Variants in SORBS3 observed in about 807,000 individuals in gnomAD.
SORBS3 encodes sorbin and SH3 domain containing 3, also known as vinexin.
A neutral mutation model predicts 98.0 loss-of-function variants in SORBS3; 69 were observed. The observed-to-expected ratio is 0.70, with a 90% confidence interval of 0.58 to 0.86. The LOEUF (loss-of-function observed/expected upper bound fraction) is 0.86, where lower values mean the gene tolerates loss of function less well. Among genes scored for constraint, SORBS3 ranks in the 40% least tolerant of loss-of-function variants. The pLI is 0.00. For missense variants in SORBS3, 954 were observed against 908.5 expected, an observed-to-expected ratio of 1.05 and a Z score of -0.64; for synonymous variants, 394 against 355.4, an observed-to-expected ratio of 1.11 and a Z score of -1.22.
chr8:22,560,536 A>C (rs1840270823), intron 5 of SORBS3, among the ~76,000 whole-genome samples: 1 of 152,208 alleles, frequency 6.6e-6, no homozygotes, highest in African/African-American at 2.4e-5. Flanking sequence ...AAATGTGACC[A>C]GTGGTGACAA....
intron 10 of SORBS3, 75 bp from the exon 11 acceptor site, chr8:22,565,193 C>T: frequency 6.7e-7 from 1 of 1,493,274 alleles, no homozygotes; most frequent in Non-Finnish European, 9.1e-7. Flanking sequence ...TTGCTTTTCA[C>T]AGTCGATCTT....
intron 19 of SORBS3, 110 bp downstream of exon 19, chr8:22,571,931 A>C (rs1207191795): frequency 2.5e-6 from 2 of 787,034 alleles, no homozygotes; most frequent in Non-Finnish European, 4.4e-6. Flanking sequence ...GGAAACTTCT[A>C]CCAGGTAGCC....
In SORBS3 at chr8:22,563,942, G is replaced by A. The variant is rs745967054; in HGVS notation, c.585-45G>A. On this transcript the variant is annotated intron_variant, in intron 7 of 20. Transcript: ENST00000240123. Reference sequence around the variant, plus strand: ...GGGCTGTGTGCTGGCTTCTGCCTCAGTCTCCCTAAAAGGAAGCTGAAGAGA... The same window carrying A: ...GGGCTGTGTGCTGGCTTCTGCCTCAATCTCCCTAAAAGGAAGCTGAAGAGA... 4.0e-6 allele frequency: 6 copies of A among 1,483,228 alleles called. No individual in the cohort carries two copies. The South Asian group carries it at 6.8e-5, about 17-fold the overall frequency. 91.9% of individuals were successfully genotyped at this position (1,483,228 alleles called of 1,614,324 possible).
chr8:22,553,486 A>G (rs1406792961), intron 1 of SORBS3, among the ~76,000 whole-genome samples: 2 of 152,088 alleles, frequency 1.3e-5, no homozygotes, highest in Non-Finnish European at 2.9e-5. Context: ...CCAAACTGGG[A>G]GCCCCTTTTT....
Position 22,561,332 on chromosome 8 carries a change from C to T in SORBS3, c.479-3C>T. The T allele has an allele frequency of 6.3e-7, 1 of 1,598,576 alleles. No homozygotes were observed. The highest frequency in any genetic ancestry group is 8.5e-7 in the Non-Finnish European group (1 of 1,170,870). ...CATGACCTGGTCCCTTCTGCTCCTGCAGACTTGCAGCTGGACTGGACCTTC... is the reference window on the plus strand; with the variant it reads ...CATGACCTGGTCCCTTCTGCTCCTGTAGACTTGCAGCTGGACTGGACCTTC... On this transcript the variant is annotated splice_region_variant and splice_polypyrimidine_tract_variant and intron_variant, in intron 5 of 20. Transcript: ENST00000240123.
At chr8:22,553,655 T>C (rs1410006351) in intron 1 of SORBS3, among the ~76,000 whole-genome samples, 1 of 152,136 alleles carries the variant, frequency 6.6e-6, no homozygotes, top group Admixed American at 6.5e-5. Context: ...CAAAACAGCC[T>C]GGAGGGGCGG....
Position 22,575,489 on chromosome 8 carries a change from C to G in SORBS3, c.*761C>G, listed in dbSNP as rs554204827. On this transcript the variant is annotated 3_prime_UTR_variant, in exon 21 of 21. Coordinates refer to ENST00000240123, the MANE Select transcript of SORBS3 (RefSeq NM_005775.5). ...AGAGAATGTAAAATAAACCTGGACA[C>G]AAGGGACCTTGTCTCTGCGGCCTTT... 25 of 155,472 alleles carry G rather than the reference C, an allele frequency of 1.6e-4. No homozygotes were observed. The South Asian group carries it at 2.2e-3, about 14-fold the overall frequency. 9.6% of individuals were successfully genotyped at this position (155,472 alleles called of 1,614,324 possible).
Position 22,554,315 on chromosome 8 carries a change from G to GGGTCCTTGAGCTAGTACCCAGCT in SORBS3, c.-55-130_-55-108dup. The stretch of plus-strand genomic sequence containing the variant: ...GGGTGCCTGGCGTGGCCTGTTTCCT[G>GGGTCCTTGAGCTAGTACCCAGCT]GGTCCTTGAGCTAGTACCCAGCTGG... On this transcript the variant is annotated intron_variant, in intron 1 of 20. Coordinates refer to ENST00000240123, the MANE Select transcript of SORBS3 (RefSeq NM_005775.5). This position sits in a 1 kb window ranked among gnomAD's most constrained non-coding sequence, Gnocchi z 6.5. 1 of 891,306 alleles carries GGGTCCTTGAGCTAGTACCCAGCT rather than the reference G, an allele frequency of 1.1e-6. No homozygotes were observed. 55.2% of individuals were successfully genotyped at this position (891,306 alleles called of 1,614,324 possible).
chr8:22,561,809 A>T (rs1840301102), intron 6 of SORBS3, 56 bp from the exon 7 acceptor site: 2 of 1,476,918 alleles, frequency 1.4e-6, no homozygotes, highest in Non-Finnish European at 1.9e-6. Flanking sequence ...CCTCAGCCCC[A>T]GTCACGGCCT....
At chr8:22,565,606 C>A in intron 11 of SORBS3, 2 of 835,736 alleles carry the variant, frequency 2.4e-6, no homozygotes, top group Non-Finnish European at 3.2e-6. Flanking sequence ...GACGACCGGG[C>A]GCCCGCCCCG....
At position 22,574,736 on chromosome 8, in the gene SORBS3, C is replaced by T; in HGVS notation, c.*8C>T. On this transcript the variant is annotated 3_prime_UTR_variant, in exon 21 of 21. Transcript: ENST00000240123. The stretch of plus-strand genomic sequence containing the variant: ...TACGTTGCCCCGGTGTGAGTGGTCT[C>T]CATGGCAACTTGGAGCCAGCCAGGA... 1 of 1,610,926 alleles carries T rather than the reference C, an allele frequency of 6.2e-7. No individual in the cohort carries two copies. Among genetic ancestry groups the T allele is most frequent in the Non-Finnish European group, 8.5e-7 (1 of 1,177,612 alleles).
At chr8:22,558,018 G>A (rs193020252) in intron 4 of SORBS3, 111 bp from the exon 5 acceptor site, 7 of 959,440 alleles carry the variant, frequency 7.3e-6, no homozygotes, top group Non-Finnish European at 1.2e-5. Flanking sequence ...GCCCACCTAT[G>A]GGGGGTTCAG....
intron 16 of SORBS3, among the ~76,000 whole-genome samples, chr8:22,568,671 G>A (rs759916494): frequency 6.6e-6 from 1 of 152,096 alleles, no homozygotes; most frequent in African/African-American, 2.4e-5. Flanking sequence ...GTGAAGCAAA[G>A]AGAACGTGAG....
chr8:22,569,346 G>C (rs13258049), intron 17 of SORBS3, 73 bp downstream of exon 17: 453,390 of 1,087,870 alleles, frequency 0.42, 62,063 homozygotes, highest in Admixed American at 0.49. Context: ...ACTAAAAACA[G>C]TTTTTTTTTT....
Position 22,561,944 on chromosome 8 carries a change from G to C in SORBS3, c.584+13G>C. On this transcript the variant is annotated intron_variant, in intron 7 of 20. Coordinates refer to ENST00000240123, the MANE Select transcript of SORBS3 (RefSeq NM_005775.5). ...CATCTTCCAGTGGGTGAGCACAGTG[G>C]GGCGGGGCCGAGGGCTGCGGAGGGG... is the stretch of plus-strand genomic sequence containing the variant. 6.2e-7 allele frequency: 1 copy of C among 1,613,608 alleles called. No individual in the cohort carries two copies. Among genetic ancestry groups the C allele is most frequent in the Non-Finnish European group, 8.5e-7 (1 of 1,179,744 alleles).
Position 22,546,404 on chromosome 8 carries a change from C to T in SORBS3, n.144+1275C>T, listed in dbSNP as rs536585125. Among the ~76,000 whole-genome samples, 10 of 152,210 alleles carry T rather than the reference C, an allele frequency of 6.6e-5. 1 individual carries two copies. The South Asian group carries it at 1.9e-3, about 29-fold the overall frequency. ...GGTCTCTGATGATAACAAGGAATTC[C>T]CCTCCCAAGGGAGGGAATCCCATCA... On this transcript the variant is annotated intron_variant and non_coding_transcript_variant, in intron 1 of 4. Coordinates refer to the SORBS3 transcript ENST00000522037.
At chr8:22,561,962 CG>C (rs1563823855) in intron 7 of SORBS3, 31 bp downstream of exon 7, 4 of 1,605,592 alleles carry the variant, frequency 2.5e-6, no homozygotes, top group Middle Eastern at 1.7e-4. Flanking sequence ...CCGAGGGCTG[CG>C]GAGGGGCGCG....
intron 6 of SORBS3, 194 bp downstream of exon 6, chr8:22,561,567 C>G (rs1840295788): frequency 1.6e-6 from 1 of 642,600 alleles, no homozygotes; most frequent in Non-Finnish European, 2.8e-6. Context: ...TCAGCTTGCA[C>G]GGGGAACGCG....
At position 22,571,096 on chromosome 8, in the gene SORBS3, G is replaced by A; in HGVS notation, c.1618G>A (p.Ala540Thr). The A allele has an allele frequency of 6.2e-7, 1 of 1,610,802 alleles. No homozygotes were observed. Among genetic ancestry groups the A allele is most frequent in the Admixed American group, 1.7e-5 (1 of 59,918 alleles). ...CCGCCTGACCGCTGCCGCCCGCTCA[G>A]CCCGTCACCCCAGCTCCCCCTCAGC... ...SPRLTAAARS[A>T]RHPSSPSALR... The change falls in exon 18 of 21, where the codon GCC (alanine) becomes ACC (threonine). Residue 540 changes from alanine (A) to threonine (T), a missense_variant. Coordinates refer to ENST00000240123, the MANE Select transcript of SORBS3 (RefSeq NM_005775.5).
Sources: gnomAD v4.1 joint callset for allele counts (sites outside exome capture counted in the v4.1 genomes callset) on GRCh38, gnomAD v4.1.1 for gene constraint, Gnocchi (gnomAD v3.1) non-coding constraint, MANE v1.5 for transcripts, NCBI Gene and HGNC (gene_info 2026-07-23, HGNC 2026-07-21) for gene names.